Variants in STAG1 observed in about 807,000 individuals in gnomAD.
STAG1 encodes the protein cohesin subunit SA-1.
Under a neutral mutation model 170.9 loss-of-function variants are expected in STAG1, and 26 were observed. The observed-to-expected ratio is 0.15, with a 90% CI of 0.11 to 0.21. The LOEUF is 0.21. STAG1 is among the 10% of genes least tolerant of loss of function. STAG1 has a pLI of 1.00. For synonymous variants in STAG1, 514 were observed against 497.7 expected (o/e 1.03, Z -0.44); for missense variants, 964 against 1,509.5 (o/e 0.64, Z 5.99).
chr3:136,673,974 A>G (rs1435636548), intron 1 of STAG1, among the ~76,000 whole-genome samples: 2 of 151,396 alleles, frequency 1.3e-5, no homozygotes, highest in Non-Finnish European at 2.9e-5. Context: ...GTGGTGGTGC[A>G]TGCCTGTAGT....
At chr3:136,625,190 G>T (rs890288700) in intron 2 of STAG1, among the ~76,000 whole-genome samples, 3 of 152,154 alleles carry the variant, frequency 2.0e-5, no homozygotes, top group Non-Finnish European at 2.9e-5. Context: ...ATAGCAAATG[G>T]TAAGTCCAAC....
At chr3:136,382,824 G>GA (rs1445488142) in intron 22 of STAG1, among the ~76,000 whole-genome samples, 2 of 152,188 alleles carry the variant, frequency 1.3e-5, no homozygotes, top group Non-Finnish European at 1.5e-5. Flanking sequence ...GAGTGCTCAA[G>GA]AAAGTTAATT....
Position 136,354,598 on chromosome 3 carries a change from G to A in STAG1, c.3065+3122C>T, listed in dbSNP as rs117696993. 2.2e-4 allele frequency among the ~76,000 whole-genome samples: 33 copies of A among 151,392 alleles called. 1 individual carries two copies. The East Asian group carries it at 6.0e-3, about 28-fold the overall frequency. On this transcript the variant is annotated intron_variant, in intron 28 of 33. Transcript: ENST00000383202. ...ATTACAGGTGTGAGCCACTGCACTC[G>A]GCCAGTAAATTTTGATAAGATGTAT...
intron 1 of STAG1, among the ~76,000 whole-genome samples, chr3:136,647,008 C>T (rs894019323): frequency 6.6e-6 from 1 of 152,136 alleles, no homozygotes; most frequent in Non-Finnish European, 1.5e-5. Context: ...AGATGATACA[C>T]ATGCTAATTA....
chr3:136,463,741 G>C (rs1395111124), intron 13 of STAG1, among the ~76,000 whole-genome samples: 1 of 44,498 alleles, frequency 2.2e-5, no homozygotes, highest in African/African-American at 6.2e-5. Context: ...GTATATGTGT[G>C]TGTGTGTGTG....
chr3:136,720,607 T>C (rs927198148), intron 1 of STAG1, among the ~76,000 whole-genome samples: 7 of 152,080 alleles, frequency 4.6e-5, no homozygotes, highest in African/African-American at 1.4e-4. Context: ...CTGGCCAACA[T>C]GGCAAAACCC....
intron 1 of STAG1, among the ~76,000 whole-genome samples, chr3:136,640,333 GTTC>G (rs948104210): frequency 4.6e-5 from 7 of 150,930 alleles, no homozygotes; most frequent in African/African-American, 1.7e-4. Flanking sequence ...CTATTTGTGA[GTTC>G]TTCTCAAAAC....
At chr3:136,603,314 CGTGAAAG>C (rs1208196135) in intron 4 of STAG1, among the ~76,000 whole-genome samples, 3 of 151,636 alleles carry the variant, frequency 2.0e-5, no homozygotes, top group Non-Finnish European at 4.4e-5. Flanking sequence ...GTACACTTCT[CGTGAAAG>C]GTGAAATAGT....
In STAG1 at chr3:136,476,254, A is replaced by G. The variant is rs992571703; in HGVS notation, c.1026+1035T>C. ...TAATACACAGACCTTCCTCCTGGTC[A>G]TGAGACTAAGGACAAATCTCAGCAC... is the stretch of plus-strand genomic sequence containing the variant. On this transcript the variant is annotated intron_variant, in intron 10 of 33. Coordinates refer to ENST00000383202, the MANE Select transcript of STAG1 (RefSeq NM_005862.3). Among the ~76,000 whole-genome samples, 5 of 152,346 alleles carry G rather than the reference A, an allele frequency of 3.3e-5. No individual in the cohort carries two copies. The East Asian group carries it at 9.6e-4, about 29-fold the overall frequency.
At chr3:136,608,270 A>T (rs1292921954) in intron 3 of STAG1, among the ~76,000 whole-genome samples, 1 of 152,068 alleles carries the variant, frequency 6.6e-6, no homozygotes, top group African/African-American at 2.4e-5. Flanking sequence ...AAAAAAAAAA[A>T]AAACTGCACA....
chr3:136,493,171 G>A (rs531996432), intron 9 of STAG1, among the ~76,000 whole-genome samples: 3 of 152,086 alleles, frequency 2.0e-5, no homozygotes, highest in South Asian at 4.2e-4. Flanking sequence ...GCGAAACTTC[G>A]TCTCTACTGA....
At chr3:136,449,155 A>C (rs533554148) in intron 14 of STAG1, among the ~76,000 whole-genome samples, 1 of 152,350 alleles carries the variant, frequency 6.6e-6, no homozygotes, top group Non-Finnish European at 1.5e-5. Flanking sequence ...TTCACAAAGA[A>C]TATTTCTTGT....
intron 1 of STAG1, among the ~76,000 whole-genome samples, chr3:136,717,527 G>C (rs1209017184): frequency 6.6e-6 from 1 of 152,160 alleles, no homozygotes; most frequent in East Asian, 1.9e-4. Flanking sequence ...AACCGAGTGT[G>C]GTGACAGGCA....
At chr3:136,711,168 CA>C (rs1943372055) in intron 1 of STAG1, among the ~76,000 whole-genome samples, 1 of 152,024 alleles carries the variant, frequency 6.6e-6, no homozygotes, top group Non-Finnish European at 1.5e-5. Flanking sequence ...TAAAGGATGT[CA>C]ATTCTGCCCA....
chr3:136,498,658 T>C (rs1933293453), intron 9 of STAG1, among the ~76,000 whole-genome samples: 1 of 151,900 alleles, frequency 6.6e-6, no homozygotes, highest in Non-Finnish European at 1.5e-5. Flanking sequence ...AAATGTGCAG[T>C]TTATTTATGT....
chr3:136,538,961 C>T (rs933047735), intron 6 of STAG1, among the ~76,000 whole-genome samples: 4 of 151,982 alleles, frequency 2.6e-5, no homozygotes, highest in Non-Finnish European at 4.4e-5. Context: ...GGTGAAACCC[C>T]GTCTCTACTA....
Position 136,376,865 on chromosome 3 carries a change from A to G in STAG1, c.2370+795T>C, listed in dbSNP as rs1239221061. Among the ~76,000 whole-genome samples, 3 of 151,690 alleles carry G rather than the reference A, an allele frequency of 2.0e-5. No individual in the cohort carries two copies. In the East Asian group the frequency reaches 5.9e-4, roughly 30 times the overall value. ...GAGTGCAATGGCGCGATCTTGGCTC[A>G]CTGCAACCTCTGTCTCCCGGGTTCA... On this transcript the variant is annotated intron_variant, in intron 23 of 33. Transcript: ENST00000383202.
At chr3:136,377,117 C>A (rs1004480559) in intron 23 of STAG1, among the ~76,000 whole-genome samples, 2 of 147,150 alleles carry the variant, frequency 1.4e-5, no homozygotes, top group South Asian at 2.3e-4. Flanking sequence ...GTCTACATTT[C>A]GGCCGGGCAC....
intron 1 of STAG1, among the ~76,000 whole-genome samples, chr3:136,643,776 T>C (rs1196922022): frequency 2.6e-5 from 4 of 152,160 alleles, no homozygotes; most frequent in Non-Finnish European, 5.9e-5. Flanking sequence ...CCCAAAGTGC[T>C]GGGATTATAG....
Sources: allele counts gnomAD v4.1 joint callset (sites outside exome capture counted in the v4.1 genomes callset), GRCh38; gene constraint gnomAD v4.1.1; transcripts MANE v1.5; gene names NCBI Gene and HGNC (gene_info 2026-07-23, HGNC 2026-07-21).